Variants in ADAMDEC1 observed in about 807,000 individuals in gnomAD.
ADAMDEC1 encodes ADAM DEC1.
Under a neutral mutation model 60.4 loss-of-function variants are expected in ADAMDEC1, and 62 were observed. The observed-to-expected ratio is 1.03, with a 90% CI of 0.84 to 1.27. ADAMDEC1 has a LOEUF of 1.27. Among genes scored for constraint, ADAMDEC1 ranks in the 50% most tolerant of loss-of-function variants. ADAMDEC1 has a pLI of 0.00. For synonymous variants in ADAMDEC1, 210 were observed against 195.1 expected (o/e 1.08, Z -0.64); for missense variants, 595 against 565.0 (o/e 1.05, Z -0.54).
chr8:24,397,248 T>C (rs755182112), intron 5 of ADAMDEC1, 22 bp from the exon 6 acceptor site: 1 of 1,592,098 alleles, frequency 6.3e-7, no homozygotes, highest in Non-Finnish European at 8.5e-7. Flanking sequence ...AATCCTGAAA[T>C]ATAAGTCTCT....
chr8:24,400,905 C>T (rs374638377), intron 11 of ADAMDEC1, among the ~76,000 whole-genome samples: 4 of 150,534 alleles, frequency 2.7e-5, no homozygotes, highest in African/African-American at 7.3e-5. Context: ...TTTGTCCTCA[C>T]GATAGTTTGC....
At chr8:24,396,000 G>A (rs1817600541) in intron 5 of ADAMDEC1, among the ~76,000 whole-genome samples, 1 of 152,152 alleles carries the variant, frequency 6.6e-6, no homozygotes, top group Non-Finnish European at 1.5e-5. Context: ...GCCTAGCAAT[G>A]TAAAACAAGA....
intron 7 of ADAMDEC1, 94 bp downstream of exon 7, chr8:24,397,839 C>A: frequency 1.7e-6 from 2 of 1,210,420 alleles, no homozygotes; most frequent in Non-Finnish European, 2.4e-6. Flanking sequence ...TTTAGCTAAT[C>A]ATGGGGCATT....
At position 24,400,168 on chromosome 8, in the gene ADAMDEC1, A is replaced by G; in HGVS notation, c.1012-2A>G. 6.4e-7 allele frequency: 1 copy of G among 1,564,440 alleles called. No individual in the cohort carries two copies. Among genetic ancestry groups the G allele is most frequent in the South Asian group, 1.2e-5 (1 of 81,228 alleles). ...ATAAATAAATATATCTACTTTTTCC[A>G]GGCTAAAAAAAAGAATAATGTGGCT... is the stretch of plus-strand genomic sequence containing the variant. On this transcript the variant is annotated splice_acceptor_variant, in intron 10 of 13. Transcript: ENST00000256412. LOFTEE classifies it high-confidence loss of function.
intron 4 of ADAMDEC1, among the ~76,000 whole-genome samples, chr8:24,394,906 T>C (rs1817566807): frequency 6.6e-6 from 1 of 152,228 alleles, no homozygotes; most frequent in South Asian, 2.1e-4. Context: ...ATGAGGAATC[T>C]TCTCAAGTCT....
intron 1 of ADAMDEC1, among the ~76,000 whole-genome samples, chr8:24,391,496 T>C (rs1817444416): frequency 6.6e-6 from 1 of 152,194 alleles, no homozygotes; most frequent in African/African-American, 2.4e-5. Flanking sequence ...CCACATCTTT[T>C]GGCTCCAAGA....
intron 1 of ADAMDEC1, among the ~76,000 whole-genome samples, chr8:24,388,473 T>G (rs1395716919): frequency 6.6e-6 from 1 of 152,104 alleles, no homozygotes; most frequent in Non-Finnish European, 1.5e-5. Flanking sequence ...GTTTTTCCTC[T>G]CTTTCTTTCT....
At chr8:24,403,679 T>C (rs771092212) in intron 12 of ADAMDEC1, among the ~76,000 whole-genome samples, 3 of 152,152 alleles carry the variant, frequency 2.0e-5, no homozygotes, top group Non-Finnish European at 4.4e-5. Flanking sequence ...TTGAAAGGCT[T>C]TCTAAATTAT....
At chr8:24,394,908 C>T (rs963644044) in intron 4 of ADAMDEC1, among the ~76,000 whole-genome samples, 5 of 152,198 alleles carry the variant, frequency 3.3e-5, no homozygotes, top group African/African-American at 7.2e-5. Flanking sequence ...GAGGAATCTT[C>T]TCAAGTCTTC....
In ADAMDEC1 at chr8:24,397,717, A is replaced by G; in HGVS notation, c.662A>G (p.Asp221Gly). ...EDFLRAQKYI[D>G]LYLVLDNAFY... ...TTTCTTCGGGCACAGAAATACATTG[A>G]TCTCTATTTGGTGCTGGATAATGCC... The change falls in exon 7 of 14, where the codon GAT becomes GGT. Residue 221 changes from aspartate to glycine, a missense_variant. Asp to Gly is a moderately conservative substitution (Grantham distance 94, BLOSUM62 -1). Transcript: ENST00000256412. 12 of 1,613,574 alleles carry G rather than the reference A, an allele frequency of 7.4e-6. No individual in the cohort carries two copies. The highest frequency in any genetic ancestry group is 4.2e-6 in the Non-Finnish European group (5 of 1,179,718).
At chr8:24,394,524 G>T (rs540034048) in intron 4 of ADAMDEC1, among the ~76,000 whole-genome samples, 1 of 152,088 alleles carries the variant, frequency 6.6e-6, no homozygotes, top group South Asian at 2.1e-4. Flanking sequence ...TTTATCCTGA[G>T]GTCAGCAATG....
At position 24,394,122 on chromosome 8, in the gene ADAMDEC1, A is replaced by G; in HGVS notation, c.338A>G (p.Glu113Gly). Residue 113 changes from glutamate to glycine, a missense_variant, in exon 4 of 14, where the codon GAA (glutamate) becomes GGA (glycine). By Grantham distance (98) the Glu-to-Gly change is moderately conservative. Coordinates refer to ENST00000256412, the MANE Select transcript of ADAMDEC1 (RefSeq NM_014479.3). ...TETLYSPRGE[E>G]ITTKPENMEH... ...ACATTGTACTCACCCAGAGGAGAGG[A>G]AATTACCACGAAACCTGAGAACATG... 1 of 1,613,252 alleles carries G rather than the reference A, an allele frequency of 6.2e-7. No homozygotes were observed. Among genetic ancestry groups the G allele is most frequent in the Middle Eastern group, 1.7e-4 (1 of 6,056 alleles).
At chr8:24,390,850 A>C (rs1327265916) in intron 1 of ADAMDEC1, among the ~76,000 whole-genome samples, 1 of 152,170 alleles carries the variant, frequency 6.6e-6, no homozygotes, top group East Asian at 1.9e-4. Context: ...ATCACATTGT[A>C]ATCTACTCTT....
chr8:24,400,212 C>T lies in ADAMDEC1; in HGVS notation c.1054C>T (p.His352Tyr). 1 of 1,609,392 alleles carries T rather than the reference C, an allele frequency of 6.2e-7. No individual in the cohort carries two copies. The highest frequency in any genetic ancestry group is 8.5e-7 in the Non-Finnish European group (1 of 1,177,674). ...TGTGGCTCTTGTAGGAGTGATGTCA[C>T]ATGAGCTGGGCCATGTCCTTGGTAT... ...NNVALVGVMS[H>Y]ELGHVLGMPD... is the part of the protein sequence containing the mutation. Residue 352 changes from histidine to tyrosine, a missense_variant, in exon 11 of 14, where the codon CAT becomes TAT. Physicochemically the swap from His to Tyr is moderately conservative, Grantham distance 83. Transcript: ENST00000256412.
chr8:24,394,233 C>T, intron 4 of ADAMDEC1, 86 bp downstream of exon 4: 2 of 1,033,798 alleles, frequency 1.9e-6, no homozygotes, highest in Non-Finnish European at 2.8e-6. Flanking sequence ...CCAAAGGGCT[C>T]AATTATTTTA....
rs138068719 is a variant in ADAMDEC1, at chr8:24,404,089, G to T, written c.1406+1G>T. ...GAGGAGATGCTCCAAACCATACCAC[G>T]TAAGACCTTTTGTTTTCTTTGTTCC... On this transcript the variant is annotated splice_donor_variant, in intron 13 of 13. Transcript: ENST00000256412. LOFTEE classifies it high-confidence loss of function. 6.2e-7 allele frequency: 1 copy of T among 1,611,874 alleles called. No individual in the cohort carries two copies. The highest frequency in any genetic ancestry group is 8.5e-7 in the Non-Finnish European group (1 of 1,179,204).
intron 5 of ADAMDEC1, 102 bp downstream of exon 5, chr8:24,395,898 A>C (rs995013813): frequency 2.4e-6 from 2 of 841,880 alleles, no homozygotes; most frequent in Non-Finnish European, 3.8e-6. Flanking sequence ...TAAATTTTTC[A>C]TTGCTGAAAT....
intron 11 of ADAMDEC1, 35 bp from the exon 12 acceptor site, chr8:24,401,880 T>C: frequency 6.6e-7 from 1 of 1,525,796 alleles, no homozygotes; most frequent in Non-Finnish European, 8.9e-7. Context: ...CACCACACTG[T>C]ATATCATATT....
chr8:24,392,082 A>T (rs1177016093), intron 1 of ADAMDEC1, among the ~76,000 whole-genome samples, 180 bp from the exon 2 acceptor site: 7 of 152,196 alleles, frequency 4.6e-5, no homozygotes, highest in Non-Finnish European at 8.8e-5. Flanking sequence ...CAAAAAAAAA[A>T]AATCCTTGTC....
Sources: allele counts gnomAD v4.1 joint callset (sites outside exome capture counted in the v4.1 genomes callset), GRCh38; gene constraint gnomAD v4.1.1; transcripts MANE v1.5; gene names NCBI Gene and HGNC (gene_info 2026-07-23, HGNC 2026-07-21).